Variants in SMYD3 observed in about 807,000 individuals in gnomAD.
The protein encoded by SMYD3 is SET and MYND domain containing 3.
Under a neutral mutation model 57.7 loss-of-function variants are expected in SMYD3, and 36 were observed. The ratio of observed to expected loss-of-function variants is 0.62; its 90% confidence interval spans 0.48 to 0.82. The LOEUF (loss-of-function observed/expected upper bound fraction) is 0.82. Among genes scored for constraint, SMYD3 ranks in the 40% least tolerant of loss-of-function variants. The pLI is 0.00. For missense variants in SMYD3, 515 were observed against 538.8 expected (o/e 0.96, Z 0.44); for synonymous variants, 211 against 195.0 (o/e 1.08, Z -0.68).
At position 246,322,624 on chromosome 1, in the gene SMYD3, T is replaced by C. The variant is rs368437537; in HGVS notation, c.531+4577A>G. ...ACTTCCTATCCTTTCAACACCTTCA[T>C]TGCTGTCTGTGGAAATTAACACCTT... On this transcript the variant is annotated intron_variant, in intron 5 of 11. Coordinates refer to ENST00000490107, the MANE Select transcript of SMYD3 (RefSeq NM_001167740.2). Among the ~76,000 whole-genome samples the C allele has an allele frequency of 4.6e-5, 7 of 152,306 alleles. No homozygotes were observed. The East Asian group carries it at 9.6e-4, about 21-fold the overall frequency.
At chr1:245,971,503 C>T (rs1484926807) in intron 5 of SMYD3, among the ~76,000 whole-genome samples, 2 of 152,080 alleles carry the variant, frequency 1.3e-5, no homozygotes, top group Non-Finnish European at 1.5e-5. Context: ...CTGGCTATTG[C>T]ACAATTTCAG....
intron 1 of SMYD3, chr1:246,417,346 G>C (rs1437101255): frequency 6.6e-6 from 1 of 152,114 alleles, no homozygotes; most frequent in Non-Finnish European, 1.5e-5. Context: ...TGTTGCAGCA[G>C]AGAAAGAGTT....
intron 8 of SMYD3, among the ~76,000 whole-genome samples, chr1:245,864,108 T>C (rs10924366): frequency 0.079 from 12,043 of 152,132 alleles, 944 homozygotes; most frequent in East Asian, 0.47. Flanking sequence ...CAAAGGTTAG[T>C]GAAGATGCAG....
chr1:245,854,850 G>A (rs771219744), intron 10 of SMYD3, among the ~76,000 whole-genome samples: 14 of 152,162 alleles, frequency 9.2e-5, no homozygotes, highest in Non-Finnish European at 1.6e-4. Context: ...AGGAATGGGG[G>A]AAGCAGGGCT....
chr1:246,062,878 T>A (rs6662962), intron 5 of SMYD3, among the ~76,000 whole-genome samples: 25,968 of 152,104 alleles, frequency 0.17, 2,738 homozygotes, highest in East Asian at 0.39. Flanking sequence ...AGAAAACATA[T>A]AATAATAAAT....
intron 5 of SMYD3, among the ~76,000 whole-genome samples, chr1:245,973,148 T>C (rs1268302652): frequency 2.0e-5 from 3 of 152,286 alleles, no homozygotes; most frequent in African/African-American, 7.2e-5. Flanking sequence ...GAAATGAAGA[T>C]GGCTCTGGAG....
intron 8 of SMYD3, among the ~76,000 whole-genome samples, chr1:245,914,269 G>A (rs2055234510): frequency 6.6e-6 from 1 of 152,072 alleles, no homozygotes; most frequent in African/African-American, 2.4e-5. Flanking sequence ...TACAGTACTG[G>A]GTATTTATCC....
chr1:246,102,323 G>A (rs769322895), intron 5 of SMYD3, among the ~76,000 whole-genome samples: 2 of 152,086 alleles, frequency 1.3e-5, no homozygotes, highest in Non-Finnish European at 2.9e-5. Context: ...TTTCTCACCT[G>A]AACCACTGCA....
intron 5 of SMYD3, among the ~76,000 whole-genome samples, chr1:246,296,236 A>G (rs1403367991): frequency 2.0e-5 from 3 of 152,310 alleles, no homozygotes; most frequent in East Asian, 1.9e-4. Context: ...TTTTCTCTAC[A>G]GTTAAGACTT....
chr1:245,797,173 T>C (rs1281168297), intron 10 of SMYD3, among the ~76,000 whole-genome samples: 2 of 152,136 alleles, frequency 1.3e-5, no homozygotes, highest in Non-Finnish European at 2.9e-5. Context: ...GGGCTTTACT[T>C]CAGGTCCATA....
intron 2 of SMYD3, among the ~76,000 whole-genome samples, chr1:246,346,963 T>C (rs2152943): frequency 0.98 from 149,940 of 152,254 alleles, 73,840 homozygotes; most frequent in East Asian, 1. Context: ...ACAGGGGATA[T>C]AGGCATAGAA....
At position 246,002,431 on chromosome 1, in the gene SMYD3, G is replaced by C. The variant is rs71638305; in HGVS notation, c.532-72494C>G. The stretch of plus-strand genomic sequence containing the variant: ...GATCTCCTGACCTCGTGATCCACCC[G>C]CCTCGGCCTCCCAAAGTGCTGGGAT... On this transcript the variant is annotated intron_variant, in intron 5 of 11. Coordinates refer to ENST00000490107, the MANE Select transcript of SMYD3 (RefSeq NM_001167740.2). 2.9e-4 allele frequency among the ~76,000 whole-genome samples: 11 copies of C among 38,074 alleles called. 2 individuals are homozygous for C. The highest frequency in any genetic ancestry group is 5.2e-4 in the Non-Finnish European group (8 of 15,484). The allele number at this position is 38,074 out of a possible 152,430, so 25.0% of individuals were successfully genotyped here. A position where few individuals can be genotyped will look rare whatever the true frequency, so the allele number is the denominator to read the frequency against.
chr1:246,329,170 T>A (rs201195447), intron 4 of SMYD3, among the ~76,000 whole-genome samples: 1 of 152,146 alleles, frequency 6.6e-6, no homozygotes, highest in Non-Finnish European at 1.5e-5. Context: ...TGTGTCTCTA[T>A]AGCAGCATGA....
chr1:246,306,176 T>C (rs1000461602), intron 5 of SMYD3, among the ~76,000 whole-genome samples: 1 of 152,182 alleles, frequency 6.6e-6, no homozygotes, highest in African/African-American at 2.4e-5. Context: ...CTATCTCTAC[T>C]GAAAATACAA....
At chr1:245,853,791 A>G (rs528980396) in intron 10 of SMYD3, among the ~76,000 whole-genome samples, 1 of 152,318 alleles carries the variant, frequency 6.6e-6, no homozygotes, top group East Asian at 1.9e-4. Context: ...ACAATCTCTC[A>G]GTTACAAACC....
chr1:246,021,362 C>A (rs2059467932), intron 5 of SMYD3, among the ~76,000 whole-genome samples: 1 of 152,168 alleles, frequency 6.6e-6, no homozygotes, highest in Non-Finnish European at 1.5e-5. Flanking sequence ...AGTTAATCTT[C>A]CTGTGGTACA....
At chr1:245,869,634 C>G (rs2052066756) in intron 8 of SMYD3, among the ~76,000 whole-genome samples, 1 of 152,146 alleles carries the variant, frequency 6.6e-6, no homozygotes, top group Admixed American at 6.5e-5. Flanking sequence ...CTCATTTGTC[C>G]ATTCTCTCTC....
intron 1 of SMYD3, among the ~76,000 whole-genome samples, chr1:246,436,775 C>G (rs2067381648): frequency 6.6e-6 from 1 of 152,150 alleles, no homozygotes; most frequent in Non-Finnish European, 1.5e-5. Context: ...CTTCTATTTT[C>G]CCCAGGTGTA....
chr1:245,760,240 C>T (rs2045786631), intron 11 of SMYD3, among the ~76,000 whole-genome samples: 1 of 152,186 alleles, frequency 6.6e-6, no homozygotes, highest in Non-Finnish European at 1.5e-5. Context: ...TCTTCAAAAA[C>T]CTTATTCAAG....
Sources: allele counts gnomAD v4.1 joint callset (sites outside exome capture counted in the v4.1 genomes callset), GRCh38; gene constraint gnomAD v4.1.1; transcripts MANE v1.5; gene names NCBI Gene and HGNC (gene_info 2026-07-23, HGNC 2026-07-21).